Variants in BHMT2 observed in about 807,000 individuals in gnomAD.
BHMT2 encodes the protein betaine--homocysteine S-methyltransferase 2.
A neutral mutation model predicts 39.0 loss-of-function variants in BHMT2; 28 were observed. The ratio of observed to expected loss-of-function variants is 0.72; its 90% confidence interval spans 0.53 to 0.98. BHMT2 has a LOEUF of 0.98. Among genes scored for constraint, BHMT2 ranks in the 50% least tolerant of loss-of-function variants. The pLI, the probability that BHMT2 is intolerant of heterozygous loss-of-function variation, is 0.00. For missense variants in BHMT2, 410 were observed against 455.6 expected, an observed-to-expected ratio of 0.90 and a Z score of 0.91; for synonymous variants, 145 against 160.6, an observed-to-expected ratio of 0.90 and a Z score of 0.74.
intron 1 of BHMT2, among the ~76,000 whole-genome samples, chr5:79,073,243 C>T (rs1323915832): frequency 4.6e-5 from 7 of 152,084 alleles, no homozygotes; most frequent in Non-Finnish European, 8.8e-5. Context: ...GGATTACAGG[C>T]GTGAGCCACC....
In BHMT2 at chr5:79,083,824, G is replaced by C; in HGVS notation, c.978G>C (p.Leu326Phe). ...AACACGGCAGCTGGGGAAGTGGTTT[G>C]GACATGCACACCAAACCCTGGATTA... ...SEKHGSWGSG[L>F]DMHTKPWIRA... Residue 326 changes from leucine to phenylalanine, a missense_variant, in exon 7 of 8, where the codon TTG becomes TTC. Transcript: ENST00000255192. 1 of 1,614,046 alleles carries C rather than the reference G, an allele frequency of 6.2e-7. No individual in the cohort carries two copies. Among genetic ancestry groups the C allele is most frequent in the Admixed American group, 1.7e-5 (1 of 59,996 alleles).
chr5:79,083,392 G>A lies in BHMT2; in HGVS notation c.781+18G>A. 1 of 1,562,042 alleles carries A rather than the reference G, an allele frequency of 6.4e-7. No individual in the cohort carries two copies. Among genetic ancestry groups the A allele is most frequent in the Non-Finnish European group, 8.6e-7 (1 of 1,158,884 alleles). ...TCCCTTTGGTAAGCTCAGGTGCATA[G>A]TAGAGGTCCTTGTATTTCTCGTGAC... On this transcript the variant is annotated intron_variant, in intron 6 of 7. Transcript: ENST00000255192.
At chr5:79,079,652 C>G (rs1464770224) in intron 3 of BHMT2, among the ~76,000 whole-genome samples, 192 bp downstream of exon 3, 1 of 152,182 alleles carries the variant, frequency 6.6e-6, no homozygotes, top group Non-Finnish European at 1.5e-5. Flanking sequence ...TCCCAGCACT[C>G]TGAGAGGCCG....
rs759107704 is a variant in BHMT2 at position 79,080,703 on chromosome 5, C to T, written c.275C>T (p.Ala92Val). ...NMESKWEDVN[A>V]AACDLAREVA... is the part of the protein sequence containing the mutation. ...TAACCTCAGTGGGAAGATGTAAATG[C>T]TGCTGCCTGTGACCTCGCCAGGGAA... The change falls in exon 4 of 8, where the codon GCT becomes GTT. Residue 92 changes from alanine to valine, a missense_variant. Physicochemically the swap from Ala to Val is moderately conservative, Grantham distance 64. Coordinates refer to ENST00000255192, the MANE Select transcript of BHMT2 (RefSeq NM_017614.5). 5 of 1,593,900 alleles carry T rather than the reference C, an allele frequency of 3.1e-6. No homozygotes were observed. In the South Asian group the frequency reaches 5.8e-5, roughly 18 times the overall value.
intron 1 of BHMT2, among the ~76,000 whole-genome samples, chr5:79,074,828 C>CT (rs1397727710): frequency 1.3e-5 from 2 of 152,210 alleles, no homozygotes; most frequent in African/African-American, 4.8e-5. Flanking sequence ...TGGCTAAACT[C>CT]TCACGCAGGA....
chr5:79,086,273 G>C (rs1044352498), intron 7 of BHMT2, among the ~76,000 whole-genome samples: 1 of 152,192 alleles, frequency 6.6e-6, no homozygotes, highest in African/African-American at 2.4e-5. Flanking sequence ...AGCCATGAGA[G>C]TGTGGTCTGA....
At chr5:79,079,220 T>A in intron 2 of BHMT2, 149 bp from the exon 3 acceptor site, 1 of 594,576 alleles carries the variant, frequency 1.7e-6, no homozygotes, top group East Asian at 2.9e-5. Context: ...CTGACCTTAA[T>A]CTATAATTTT....
intron 1 of BHMT2, among the ~76,000 whole-genome samples, chr5:79,075,674 G>A (rs987822433): frequency 2.0e-5 from 3 of 152,130 alleles, no homozygotes; most frequent in African/African-American, 4.8e-5. Context: ...GCATTGCTCA[G>A]GGAAGGCATC....
chr5:79,069,953 T>C (rs932899904), intron 1 of BHMT2, 138 bp downstream of exon 1: 3 of 949,242 alleles, frequency 3.2e-6, no homozygotes, highest in Admixed American at 4.3e-5. Flanking sequence ...TGAGCCTCAA[T>C]TTTCCCCTGT....
Position 79,077,309 on chromosome 5 carries a change from C to A in BHMT2, c.34-171C>A, listed in dbSNP as rs1015634046. On this transcript the variant is annotated intron_variant, in intron 1 of 7. Coordinates refer to ENST00000255192, the MANE Select transcript of BHMT2 (RefSeq NM_017614.5). ...CATTGTACAAAATAGGAACCTGGAT[C>A]GGCCAAGAAATATGGTATGCTCAAT... Among the ~76,000 whole-genome samples, 32 of 152,006 alleles carry A rather than the reference C, an allele frequency of 2.1e-4. 1 individual carries two copies. The highest frequency in any genetic ancestry group is 7.7e-4 in the African/African-American group (32 of 41,376).
chr5:79,082,701 T>C (rs941751435), intron 4 of BHMT2, 108 bp from the exon 5 acceptor site: 2 of 1,328,554 alleles, frequency 1.5e-6, no homozygotes, highest in African/African-American at 1.5e-5. Context: ...ATTATGCATA[T>C]GTTTATATTC....
chr5:79,082,512 AC>A (rs1336596186), intron 4 of BHMT2: 1 of 211,500 alleles, frequency 4.7e-6, no homozygotes, highest in Non-Finnish European at 9.3e-6. Context: ...GATTTTAAAT[AC>A]TCAATTACTT....
intron 7 of BHMT2, among the ~76,000 whole-genome samples, chr5:79,088,200 T>C (rs1468743544): frequency 6.6e-6 from 1 of 152,088 alleles, no homozygotes; most frequent in Non-Finnish European, 1.5e-5. Context: ...GTATATGAAA[T>C]TGAAATACGT....
In BHMT2 at chr5:79,083,355, T is replaced by A. The variant is rs1381659391; in HGVS notation, c.762T>A (p.Asp254Glu). 1.2e-6 allele frequency: 2 copies of A among 1,601,462 alleles called. No individual in the cohort carries two copies. Among genetic ancestry groups the A allele is most frequent in the East Asian group, 2.2e-5 (1 of 44,634 alleles). The change falls in exon 6 of 8, where the codon GAT becomes GAA. Residue 254 changes from aspartate to glutamate, a missense_variant. Asp to Glu is a conservative substitution (Grantham distance 45). Coordinates refer to ENST00000255192, the MANE Select transcript of BHMT2 (RefSeq NM_017614.5). Reference sequence around the variant, plus strand: ...ACTGTGGCAAAGAGGGGTTTGTGGATCTCCCAGAATATCCCTTTGGTAAGC... The same window carrying A: ...ACTGTGGCAAAGAGGGGTTTGTGGAACTCCCAGAATATCCCTTTGGTAAGC... ...APDCGKEGFV[D>E]LPEYPFGLES...
rs1755986906 is a variant in BHMT2, at chr5:79,089,790, A to T, written c.*1216A>T. 6.6e-6 allele frequency among the ~76,000 whole-genome samples: 1 copy of T among 152,078 alleles called. No individual in the cohort carries two copies. Among genetic ancestry groups the T allele is most frequent in the Non-Finnish European group, 1.5e-5 (1 of 68,012 alleles). Reference sequence around the variant, plus strand: ...AGGCCAGCCTGGCCAACATGGCAAAACCCCATCTCTACTAAATAAAATACA... The same window carrying T: ...AGGCCAGCCTGGCCAACATGGCAAATCCCCATCTCTACTAAATAAAATACA... On this transcript the variant is annotated 3_prime_UTR_variant, in exon 8 of 8. Transcript: ENST00000255192.
chr5:79,085,908 G>C (rs761256307), intron 7 of BHMT2, among the ~76,000 whole-genome samples: 45 of 152,076 alleles, frequency 3.0e-4, no homozygotes, highest in Admixed American at 1.3e-4. Context: ...GGCCTCCTCA[G>C]ATTCAAAGTA....
intron 1 of BHMT2, among the ~76,000 whole-genome samples, chr5:79,073,703 T>C (rs1389437278): frequency 6.6e-6 from 1 of 152,038 alleles, no homozygotes; most frequent in Non-Finnish European, 1.5e-5. Flanking sequence ...ATAACCAGAG[T>C]TGAGAGCTCT....
At chr5:79,087,010 GTGTGTATATA>G (rs1425657259) in intron 7 of BHMT2, among the ~76,000 whole-genome samples, 74 of 113,442 alleles carry the variant, frequency 6.5e-4, no homozygotes, top group Admixed American at 2.1e-3. Flanking sequence ...GTGTGTGTGT[GTGTGTATATA>G]TATATATATA....
Position 79,083,498 on chromosome 5 carries a change from A to G in BHMT2, c.781+124A>G. On this transcript the variant is annotated intron_variant, in intron 6 of 7. Coordinates refer to ENST00000255192, the MANE Select transcript of BHMT2 (RefSeq NM_017614.5). ...ATGACAAAACATTCAGAGTTAACCA[A>G]AAATGAGCTATCAGAAGAATGCATC... 2.0e-6 allele frequency: 3 copies of G among 1,469,038 alleles called. No homozygotes were observed. The Admixed American group carries it at 7.6e-5, about 37-fold the overall frequency. The allele number at this position is 1,469,038 out of a possible 1,614,324, so 91.0% of individuals were successfully genotyped here.
Sources: allele counts gnomAD v4.1 joint callset (sites outside exome capture counted in the v4.1 genomes callset), GRCh38; gene constraint gnomAD v4.1.1; transcripts MANE v1.5; gene names NCBI Gene and HGNC (gene_info 2026-07-23, HGNC 2026-07-21).